The following GPC5 variants were observed in gnomAD, a reference collection of about 807,000 sequenced individuals.
GPC5 encodes the protein glypican 5.
Under a neutral mutation model 53.9 loss-of-function variants are expected in GPC5, and 47 were observed. That is an observed-to-expected ratio of 0.87 (90% CI 0.69 to 1.11). GPC5 has a LOEUF of 1.11. GPC5 is among the 50% of genes most tolerant of loss of function. The probability of loss-of-function intolerance (pLI) is 0.00; values close to 1 mark genes in which losing one functional copy is unlikely to be tolerated. For missense variants in GPC5, 748 were observed against 713.1 expected (o/e 1.05, Z -0.56); for synonymous variants, 286 against 263.3 (o/e 1.09, Z -0.84).
At chr13:91,522,907 T>C (rs1260620563) in intron 2 of GPC5, among the ~76,000 whole-genome samples, 1 of 152,230 alleles carries the variant, frequency 6.6e-6, no homozygotes, top group African/African-American at 2.4e-5. Flanking sequence ...CTTAATCCAG[T>C]CTATCATTGA....
intron 5 of GPC5, among the ~76,000 whole-genome samples, chr13:91,805,982 G>A (rs1235529342): frequency 1.4e-5 from 2 of 145,708 alleles, no homozygotes; most frequent in Non-Finnish European, 3.0e-5. Context: ...AATTTCAATA[G>A]CATGTTTTGT....
At chr13:92,022,720 C>T (rs2040769211) in intron 6 of GPC5, among the ~76,000 whole-genome samples, 1 of 151,688 alleles carries the variant, frequency 6.6e-6, no homozygotes, top group Non-Finnish European at 1.5e-5. Context: ...AAAATCAGCC[C>T]CAAATATAAA....
At chr13:92,294,475 G>C (rs917461387) in intron 7 of GPC5, among the ~76,000 whole-genome samples, 1 of 152,118 alleles carries the variant, frequency 6.6e-6, no homozygotes, top group African/African-American at 2.4e-5. Flanking sequence ...AGGTTTTCTA[G>C]TTTATGCATG....
intron 7 of GPC5, among the ~76,000 whole-genome samples, chr13:92,763,423 G>T (rs1396308623): frequency 6.6e-6 from 1 of 152,150 alleles, no homozygotes; most frequent in Non-Finnish European, 1.5e-5. Flanking sequence ...GAAGTTCGTG[G>T]CAGTGGCAGT....
chr13:92,701,324 C>A (rs1020213924), intron 7 of GPC5: 4 of 152,060 alleles, frequency 2.6e-5, no homozygotes, highest in African/African-American at 9.7e-5. Context: ...TTTCACCAGA[C>A]CAACATTAAA....
At chr13:91,501,707 C>T (rs1328251340) in intron 2 of GPC5, among the ~76,000 whole-genome samples, 4 of 152,114 alleles carry the variant, frequency 2.6e-5, no homozygotes, top group African/African-American at 2.4e-5. Context: ...AATAAACATA[C>T]GTGTGCATGT....
chr13:92,832,699 G>A (rs1162242512), intron 7 of GPC5, among the ~76,000 whole-genome samples: 3 of 152,080 alleles, frequency 2.0e-5, no homozygotes, highest in African/African-American at 7.2e-5. Context: ...AGGATGCAAA[G>A]TGGCTTCCAA....
At chr13:92,610,163 T>C (rs1214658160) in intron 7 of GPC5, among the ~76,000 whole-genome samples, 1 of 151,660 alleles carries the variant, frequency 6.6e-6, no homozygotes, top group Non-Finnish European at 1.5e-5. Context: ...CTATAATAAA[T>C]ACCAGGTAAA....
chr13:92,602,203 T>TAA, intron 7 of GPC5, among the ~76,000 whole-genome samples: 1 of 126,634 alleles, frequency 7.9e-6, no homozygotes, highest in Admixed American at 9.0e-5. Flanking sequence ...TATAAATATA[T>TAA]ATATTACATA....
At chr13:92,859,770 A>T (rs1422359921) in intron 7 of GPC5, among the ~76,000 whole-genome samples, 1 of 152,154 alleles carries the variant, frequency 6.6e-6, no homozygotes, top group Non-Finnish European at 1.5e-5. Context: ...TAAAAATCAT[A>T]ACATCAGTAT....
intron 7 of GPC5, among the ~76,000 whole-genome samples, chr13:92,466,689 A>G (rs1878704661): frequency 6.6e-6 from 1 of 152,076 alleles, no homozygotes; most frequent in Non-Finnish European, 1.5e-5. Context: ...AGAGTAATTA[A>G]AAATTTGTGA....
intron 4 of GPC5, among the ~76,000 whole-genome samples, chr13:91,734,243 G>A (rs1340932137): frequency 6.6e-6 from 1 of 151,262 alleles, no homozygotes; most frequent in African/African-American, 2.5e-5. Context: ...ATTTTATTGA[G>A]GATTTTCATA....
At chr13:92,284,188 G>A (rs1015632137) in intron 7 of GPC5, among the ~76,000 whole-genome samples, 1 of 152,132 alleles carries the variant, frequency 6.6e-6, no homozygotes, top group African/African-American at 2.4e-5. Flanking sequence ...GACTAAACCA[G>A]GAAGAAGTTG....
In GPC5 at chr13:91,416,396, A is replaced by G. The variant is rs192932417; in HGVS notation, c.163+17187A>G. 9.2e-5 allele frequency among the ~76,000 whole-genome samples: 14 copies of G among 152,304 alleles called. No homozygotes were observed. The East Asian group carries it at 2.7e-3, about 29-fold the overall frequency. On this transcript the variant is annotated intron_variant, in intron 1 of 7. Coordinates refer to ENST00000377067, the MANE Select transcript of GPC5 (RefSeq NM_004466.6). The stretch of plus-strand genomic sequence containing the variant: ...CTAAACATGTTTCTTGAAGAGTCAC[A>G]ATACATATTAGCATTTTAAATCTCT...
At chr13:92,106,492 A>G (rs1185694056) in intron 6 of GPC5, among the ~76,000 whole-genome samples, 1 of 152,072 alleles carries the variant, frequency 6.6e-6, no homozygotes, top group Non-Finnish European at 1.5e-5. Flanking sequence ...TCACTCACGA[A>G]ACATGCTTAA....
Position 91,607,674 on chromosome 13 carries a change from A to G in GPC5, c.326-85513A>G, listed in dbSNP as rs12868601. Among the ~76,000 whole-genome samples, 959 of 152,314 alleles carry G rather than the reference A, an allele frequency of 6.3e-3. 12 individuals are homozygous for G. Among genetic ancestry groups the G allele is most frequent in the African/African-American group, 0.022 (917 of 41,554 alleles). ...GTTTCATTTCTTGTCTTATTCCAAG[A>G]CGTTGTTCTTAGCCAATATAAGTGT... On this transcript the variant is annotated intron_variant, in intron 2 of 7. Coordinates refer to ENST00000377067, the MANE Select transcript of GPC5 (RefSeq NM_004466.6).
At chr13:92,033,594 A>G (rs928457796) in intron 6 of GPC5, among the ~76,000 whole-genome samples, 4 of 152,234 alleles carry the variant, frequency 2.6e-5, no homozygotes, top group East Asian at 1.9e-4. Flanking sequence ...GGCAATATTT[A>G]TATCTTTTAA....
At chr13:92,490,079 TGCAG>T in intron 7 of GPC5, 1 of 154,134 alleles carries the variant, frequency 6.5e-6, no homozygotes, top group Non-Finnish European at 1.5e-5. Context: ...ATCTATAATG[TGCAG>T]TTAAACTTTT....
At chr13:92,618,104 A>C (rs774163339) in intron 7 of GPC5, among the ~76,000 whole-genome samples, 1 of 152,198 alleles carries the variant, frequency 6.6e-6, no homozygotes, top group Non-Finnish European at 1.5e-5. Flanking sequence ...TAAGAACAGT[A>C]GCTAGACTTT....
Sources: allele counts gnomAD v4.1 joint callset (sites outside exome capture counted in the v4.1 genomes callset), GRCh38; gene constraint gnomAD v4.1.1; transcripts MANE v1.5; gene names NCBI Gene and HGNC (gene_info 2026-07-23, HGNC 2026-07-21).